NRAP: variants seen among roughly 807,000 people sequenced by gnomAD.
NRAP encodes nebulin related anchoring protein, also known as nebulin-related-anchoring protein.
NRAP carries 189 observed loss-of-function variants against 225.9 expected under a neutral mutation model. That is an observed-to-expected ratio of 0.84 (90% CI 0.74 to 0.94). The LOEUF (loss-of-function observed/expected upper bound fraction) is 0.94, where lower values mean the gene tolerates loss of function less well. Among genes scored for constraint, NRAP ranks in the 40% least tolerant of loss-of-function variants. The probability of loss-of-function intolerance (pLI) is 0.00; values close to 1 mark genes in which losing one functional copy is unlikely to be tolerated. For synonymous variants in NRAP, 769 were observed against 790.7 expected (o/e 0.97, Z 0.46); for missense variants, 2,176 against 2,168.7 (o/e 1.00, Z -0.07).
intron 6 of NRAP, among the ~76,000 whole-genome samples, 180 bp from the exon 7 acceptor site, chr10:113,652,087 C>G (rs1282514491): frequency 2.1e-4 from 32 of 152,136 alleles, no homozygotes. Context: ...TGTGCTAAGT[C>G]CAGGAGTGTG....
intron 38 of NRAP, 140 bp downstream of exon 38, chr10:113,595,481 CAA>C: frequency 1.7e-6 from 1 of 597,800 alleles, no homozygotes; most frequent in Non-Finnish European, 3.0e-6. Context: ...GAAAGTCACA[CAA>C]ACAGTTTCTC....
At chr10:113,592,551 A>G (rs1846055095) in intron 38 of NRAP, among the ~76,000 whole-genome samples, 1 of 139,820 alleles carries the variant, frequency 7.2e-6, no homozygotes, top group African/African-American at 2.6e-5. Flanking sequence ...ATCTTCGGGT[A>G]TGGCTCATTT....
intron 2 of NRAP, among the ~76,000 whole-genome samples, chr10:113,663,052 A>G (rs982270911): frequency 2.0e-5 from 3 of 152,234 alleles, no homozygotes; most frequent in Non-Finnish European, 4.4e-5. Flanking sequence ...TTAAAAGAAA[A>G]TACTTCAAAG....
At chr10:113,660,095 A>AC (rs1361433822) in intron 3 of NRAP, among the ~76,000 whole-genome samples, 1 of 130,294 alleles carries the variant, frequency 7.7e-6, no homozygotes. Context: ...CACCATATAC[A>AC]CATATATACA....
chr10:113,626,635 T>C (rs1848307660), intron 20 of NRAP, among the ~76,000 whole-genome samples: 1 of 152,112 alleles, frequency 6.6e-6, no homozygotes, highest in South Asian at 2.1e-4. Context: ...TTCATCACCA[T>C]GTTTTACCTG....
At chr10:113,607,399 C>CAAAA (rs543627940) in intron 32 of NRAP, among the ~76,000 whole-genome samples, 15 of 68,602 alleles carry the variant, frequency 2.2e-4, no homozygotes, top group South Asian at 5.6e-4. Flanking sequence ...GAAACTCCGT[C>CAAAA]AAAAAAAAAA....
At position 113,588,980 on chromosome 10, in the gene NRAP, A is replaced by T; in HGVS notation, c.5188T>A (p.Leu1730Met). ...GGAATCAGGGTGGACATGGCTCACA[A>T]CAGCAGGGCCTTCTTCTTTTTGACG... Reference protein sequence around the residue: ...LHVKKKKALLL With the variant: ...LHVKKKKALLM Residue 1730 changes from leucine (L) to methionine (M), a missense_variant, in exon 42 of 42, where the codon TTG (leucine) becomes ATG (methionine). By Grantham distance (15) the Leu-to-Met change is conservative. Around this residue, in one of 3 missense-constraint regions of NRAP, gnomAD observed 445 missense variants for 426.1 expected, o/e 1.04. Coordinates refer to ENST00000359988, the MANE Select transcript of NRAP (RefSeq NM_198060.4). 6.2e-7 allele frequency: 1 copy of T among 1,613,002 alleles called. No homozygotes were observed. Among genetic ancestry groups the T allele is most frequent in the Non-Finnish European group, 8.5e-7 (1 of 1,179,122 alleles).
chr10:113,648,467 C>CTATATATATA lies in NRAP; in HGVS notation c.889-1450_889-1441dup, dbSNP rs1554867329. ...TCTCTCTCTCTCTCTCTCTCTCTCT[C>CTATATATATA]TATATATATATATATATATATATGT... On this transcript the variant is annotated intron_variant, in intron 9 of 41. Transcript: ENST00000359988. Among the ~76,000 whole-genome samples, 56 of 87,376 alleles carry CTATATATATA rather than the reference C, an allele frequency of 6.4e-4. 1 individual carries two copies. The highest frequency in any genetic ancestry group is 1.6e-3 in the South Asian group (4 of 2,536). The allele number at this position is 87,376 out of a possible 152,430, so 57.3% of individuals were successfully genotyped here. A position where few individuals can be genotyped will look rare whatever the true frequency, so the allele number is the denominator to read the frequency against.
At chr10:113,636,430 A>G (rs557081703) in intron 14 of NRAP, among the ~76,000 whole-genome samples, 2 of 152,194 alleles carry the variant, frequency 1.3e-5, no homozygotes, top group East Asian at 3.9e-4. Flanking sequence ...AGCCCACCTC[A>G]AGGAGTCTTT....
chr10:113,617,803 A>G (rs1272740491), intron 25 of NRAP, among the ~76,000 whole-genome samples: 1 of 152,236 alleles, frequency 6.6e-6, no homozygotes, highest in Non-Finnish European at 1.5e-5. Flanking sequence ...AGGTTATACT[A>G]GTAAAATACT....
At chr10:113,660,264 T>C (rs1298236227) in intron 3 of NRAP, among the ~76,000 whole-genome samples, 1 of 151,848 alleles carries the variant, frequency 6.6e-6, no homozygotes, top group Non-Finnish European at 1.5e-5. Context: ...CACATGAACA[T>C]GTGCACACAC....
At position 113,604,660 on chromosome 10, in the gene NRAP, G is replaced by T. The variant is rs780260000; in HGVS notation, c.4176C>A (p.Pro1392=). The T allele has an allele frequency of 3.7e-6, 6 of 1,614,038 alleles. No individual in the cohort carries two copies. In the African/African-American group the frequency reaches 8.0e-5, roughly 22 times the overall value. The change falls in exon 35 of 42, where the codon CCC becomes CCA. Residue 1392 remains proline, a synonymous_variant. Coordinates refer to ENST00000359988, the MANE Select transcript of NRAP (RefSeq NM_198060.4). Reference sequence around the variant, plus strand: ...TGGCCCAGGCCATCTTCAGGTCCTCGGGCAGTGCTGTGAACTTGTGATACT... The same window carrying T: ...TGGCCCAGGCCATCTTCAGGTCCTCTGGCAGTGCTGTGAACTTGTGATACT... ...RTQYHKFTAL[P]EDLKMAWAKK...
intron 3 of NRAP, among the ~76,000 whole-genome samples, chr10:113,657,880 C>T (rs948070116): frequency 6.6e-6 from 1 of 152,178 alleles, no homozygotes; most frequent in Non-Finnish European, 1.5e-5. Context: ...AAACATTGGG[C>T]ATTAGAGTAC....
At chr10:113,626,640 TA>T (rs1385064941) in intron 20 of NRAP, among the ~76,000 whole-genome samples, 2 of 152,178 alleles carry the variant, frequency 1.3e-5, no homozygotes, top group Admixed American at 6.5e-5. Flanking sequence ...CACCATGTTT[TA>T]CCTGTGAGTC....
At chr10:113,650,169 T>C (rs1298696623) in intron 8 of NRAP, 28 bp from the exon 9 acceptor site, 6 of 1,393,270 alleles carry the variant, frequency 4.3e-6, no homozygotes, top group African/African-American at 1.4e-5. Flanking sequence ...ACAAACTCGG[T>C]GAATTTGACT....
At chr10:113,630,631 G>A (rs1408586544) in intron 18 of NRAP, among the ~76,000 whole-genome samples, 1 of 152,166 alleles carries the variant, frequency 6.6e-6, no homozygotes, top group African/African-American at 2.4e-5. Context: ...TTGACCCCCA[G>A]CTGCTCCAAC....
intron 11 of NRAP, among the ~76,000 whole-genome samples, chr10:113,645,165 G>T (rs1261759341): frequency 6.6e-6 from 1 of 152,168 alleles, no homozygotes; most frequent in African/African-American, 2.4e-5. Flanking sequence ...TTTGACATTT[G>T]AAACATCTTT....
At chr10:113,648,093 C>T (rs1278031605) in intron 9 of NRAP, among the ~76,000 whole-genome samples, 1 of 152,192 alleles carries the variant, frequency 6.6e-6, no homozygotes, top group Admixed American at 6.5e-5. Context: ...AAATCTGAAA[C>T]AGCCCATATG....
chr10:113,648,221 T>C (rs1474951134), intron 9 of NRAP, among the ~76,000 whole-genome samples: 3 of 152,282 alleles, frequency 2.0e-5, no homozygotes, highest in Middle Eastern at 6.8e-3. Flanking sequence ...ATAAAATAGT[T>C]GGGTCAGATT....
Sources: gnomAD v4.1 joint callset for allele counts (sites outside exome capture counted in the v4.1 genomes callset) on GRCh38, gnomAD v4.1.1 for gene constraint, gnomAD v4.1.1 regional missense constraint, MANE v1.5 for transcripts, NCBI Gene and HGNC (gene_info 2026-07-23, HGNC 2026-07-21) for gene names.